The following GNB1 variants were observed in gnomAD, a reference collection of about 807,000 sequenced individuals.
GNB1 encodes the protein G protein subunit beta 1.
GNB1 carries 2 observed loss-of-function variants against 42.9 expected under a neutral mutation model. That is an observed-to-expected ratio of 0.05 (90% CI 0.02 to 0.15). GNB1 has a LOEUF of 0.15. Ranked by LOEUF, GNB1 falls within the 10% of genes least tolerant of loss-of-function variation. The pLI is 1.00. For synonymous variants in GNB1, 183 were observed against 174.7 expected (o/e 1.05, Z -0.38); for missense variants, 193 against 462.2 (o/e 0.42, Z 5.34).
chr1:1,824,276 G>C (rs1265361717), intron 3 of GNB1, among the ~76,000 whole-genome samples: 2 of 152,144 alleles, frequency 1.3e-5, no homozygotes, highest in Admixed American at 1.3e-4. Flanking sequence ...TTTACTAGAA[G>C]TACTGCTTCA....
chr1:1,814,941 T>G (rs1272101282), intron 5 of GNB1, among the ~76,000 whole-genome samples: 1 of 150,390 alleles, frequency 6.6e-6, no homozygotes, highest in Non-Finnish European at 1.5e-5. Flanking sequence ...TGAAACCCCA[T>G]CTCTACTAAA....
chr1:1,868,310 G>T (rs1329838090), intron 1 of GNB1, among the ~76,000 whole-genome samples: 1 of 152,082 alleles, frequency 6.6e-6, no homozygotes, highest in Non-Finnish European at 1.5e-5. Flanking sequence ...CGCGTAGCTG[G>T]GATTACAGGC....
At chr1:1,795,265 T>G (rs1339436437) in intron 7 of GNB1, among the ~76,000 whole-genome samples, 1 of 152,068 alleles carries the variant, frequency 6.6e-6, no homozygotes, top group Non-Finnish European at 1.5e-5. Context: ...CTCCACTGGC[T>G]TCCTGGTTCA....
chr1:1,836,424 C>T (rs772550730), intron 2 of GNB1, among the ~76,000 whole-genome samples: 46 of 137,500 alleles, frequency 3.3e-4, no homozygotes, highest in Non-Finnish European at 6.7e-4. Context: ...CAGGGTCTCG[C>T]TCTGTTGTCC....
intron 5 of GNB1, 39 bp downstream of exon 5, chr1:1,815,717 G>T: frequency 1.9e-6 from 2 of 1,062,498 alleles, no homozygotes; most frequent in Non-Finnish European, 2.9e-6. Context: ...AGCAGCCCCT[G>T]AATGTAACAA....
chr1:1,870,350 T>C (rs1649178386), intron 1 of GNB1, among the ~76,000 whole-genome samples: 1 of 152,088 alleles, frequency 6.6e-6, no homozygotes, highest in African/African-American at 2.4e-5. Context: ...TTTTTTAAAC[T>C]TTTTGTAGAG....
At chr1:1,798,733 G>A (rs112649407) in intron 7 of GNB1, among the ~76,000 whole-genome samples, 2,402 of 152,220 alleles carry the variant, frequency 0.016, 62 homozygotes, top group African/African-American at 0.054. Flanking sequence ...ACGGAGTTTC[G>A]CTCTTGTTGC....
At chr1:1,843,243 A>G (rs1440230730) in intron 1 of GNB1, among the ~76,000 whole-genome samples, 1 of 152,148 alleles carries the variant, frequency 6.6e-6, no homozygotes, top group Non-Finnish European at 1.5e-5. Flanking sequence ...TTTTTGAGAC[A>G]GGGTCACCCT....
At chr1:1,840,628 G>A (rs1463293316) in intron 1 of GNB1, among the ~76,000 whole-genome samples, 1 of 152,256 alleles carries the variant, frequency 6.6e-6, no homozygotes, top group African/African-American at 2.4e-5. Flanking sequence ...GCATGACAGT[G>A]GAGAGCATTT....
At chr1:1,880,263 T>G (rs1472686977) in intron 1 of GNB1, among the ~76,000 whole-genome samples, 3 of 152,208 alleles carry the variant, frequency 2.0e-5, no homozygotes, top group African/African-American at 7.2e-5. Flanking sequence ...ATTTTTATTT[T>G]ATTTTTATAT....
At chr1:1,804,324 A>T (rs913962468) in intron 7 of GNB1, 95 bp downstream of exon 7, 10 of 805,326 alleles carry the variant, frequency 1.2e-5, no homozygotes, top group Middle Eastern at 4.8e-4. Context: ...TTAATTAATT[A>T]AAAAATGATT....
intron 1 of GNB1, among the ~76,000 whole-genome samples, chr1:1,866,115 T>C (rs529416185): frequency 1.3e-5 from 2 of 152,330 alleles, no homozygotes; most frequent in East Asian, 3.9e-4. Context: ...ATTTTTTCTA[T>C]TTAGTAGACA....
Position 1,790,299 on chromosome 1 carries a change from G to C in GNB1, c.699+96C>G. On this transcript the variant is annotated intron_variant, in intron 9 of 11. Transcript: ENST00000378609. The surrounding 1 kb of genome is among the most constrained non-coding windows in gnomAD (Gnocchi z 5.4). ...CATGAGGTTGTATAAGGATCAGAAA[G>C]GAGAACATCTAATCCAGAAAAGTTT... is the stretch of plus-strand genomic sequence containing the variant. The C allele has an allele frequency of 1.2e-6, 1 of 817,112 alleles. No homozygotes were observed. Among genetic ancestry groups the C allele is most frequent in the South Asian group, 1.5e-5 (1 of 66,496 alleles). The allele number at this position is 817,112 out of a possible 1,614,324, so 50.6% of individuals were successfully genotyped here. A position where few individuals can be genotyped will look rare whatever the true frequency, so the allele number is the denominator to read the frequency against.
intron 4 of GNB1, among the ~76,000 whole-genome samples, chr1:1,816,519 C>T (rs1378401820): frequency 1.3e-5 from 2 of 152,012 alleles, no homozygotes; most frequent in African/African-American, 4.8e-5. Context: ...ACAATTTAAC[C>T]TCAATTAAAG....
At chr1:1,791,862 T>A (rs1454270738) in intron 8 of GNB1, among the ~76,000 whole-genome samples, 1 of 152,212 alleles carries the variant, frequency 6.6e-6, no homozygotes. Flanking sequence ...TAAAGTCTTC[T>A]CAAGATTGAC....
At chr1:1,848,368 A>G (rs1192613894) in intron 1 of GNB1, among the ~76,000 whole-genome samples, 2 of 151,492 alleles carry the variant, frequency 1.3e-5, no homozygotes, top group African/African-American at 2.4e-5. Flanking sequence ...AAAAAAAAAA[A>G]AAAAAAGAAA....
At chr1:1,874,228 T>G (rs1045999612) in intron 1 of GNB1, among the ~76,000 whole-genome samples, 1 of 151,918 alleles carries the variant, frequency 6.6e-6, no homozygotes, top group African/African-American at 2.4e-5. Context: ...CCCAGCACTC[T>G]AGGAGGCCGA....
intron 1 of GNB1, among the ~76,000 whole-genome samples, chr1:1,872,528 T>C (rs578059485): frequency 1.5e-3 from 230 of 152,324 alleles, no homozygotes; most frequent in African/African-American, 5.3e-3. Context: ...TTTGCTCCTG[T>C]GTGCTGAGCT....
At chr1:1,806,330 C>T in intron 6 of GNB1, 145 bp downstream of exon 6, 1 of 576,088 alleles carries the variant, frequency 1.7e-6, no homozygotes. Context: ...TTCTATCTCA[C>T]CTGCGCAACT....
Sources: allele counts gnomAD v4.1 joint callset (sites outside exome capture counted in the v4.1 genomes callset), GRCh38; gene constraint gnomAD v4.1.1; non-coding constraint Gnocchi (gnomAD v3.1); transcripts MANE v1.5; gene names NCBI Gene and HGNC (gene_info 2026-07-23, HGNC 2026-07-21).